SLC25A13: variants seen among roughly 807,000 people sequenced by gnomAD.
SLC25A13 encodes the protein electrogenic aspartate/glutamate antiporter SLC25A13, mitochondrial.
Under a neutral mutation model 85.5 loss-of-function variants are expected in SLC25A13, and 70 were observed. That is an observed-to-expected ratio of 0.82 (90% CI 0.68 to 1.00). The LOEUF (loss-of-function observed/expected upper bound fraction) is 1.00. Ranked by LOEUF, SLC25A13 falls within the 50% of genes least tolerant of loss-of-function variation. SLC25A13 has a pLI of 0.00. For missense variants in SLC25A13, 765 were observed against 819.8 expected (o/e 0.93, Z 0.82); for synonymous variants, 259 against 288.7 (o/e 0.90, Z 1.04).
chr7:96,194,045 T>C (rs1240737046), intron 5 of SLC25A13, among the ~76,000 whole-genome samples: 1 of 152,078 alleles, frequency 6.6e-6, no homozygotes, highest in African/African-American at 2.4e-5. Flanking sequence ...GGAAGGAACA[T>C]TCCTCCTGCA....
intron 3 of SLC25A13, among the ~76,000 whole-genome samples, chr7:96,276,157 G>A (rs563784948): frequency 6.6e-6 from 1 of 152,302 alleles, no homozygotes; most frequent in East Asian, 1.9e-4. Context: ...AGAGAAGGAA[G>A]AAGGCAAGGT....
At chr7:96,204,401 A>C (rs1194640184) in intron 5 of SLC25A13, among the ~76,000 whole-genome samples, 2 of 152,158 alleles carry the variant, frequency 1.3e-5, no homozygotes, top group African/African-American at 4.8e-5. Flanking sequence ...CAGGCTGGGC[A>C]CGGTGGCTCA....
intron 2 of SLC25A13, among the ~76,000 whole-genome samples, chr7:96,294,610 G>GAAAA (rs776263797): frequency 7.4e-6 from 1 of 135,114 alleles, no homozygotes; most frequent in East Asian, 2.2e-4. Flanking sequence ...CTCTGTCTCA[G>GAAAA]AAAAAAAAAA....
chr7:96,312,214 T>C (rs1033852544), intron 1 of SLC25A13, among the ~76,000 whole-genome samples: 4 of 152,294 alleles, frequency 2.6e-5, no homozygotes, highest in East Asian at 1.9e-4. Flanking sequence ...CCATGTGATC[T>C]TGGGCAAGTT....
chr7:96,148,429 C>T (rs1562794908), intron 13 of SLC25A13, among the ~76,000 whole-genome samples: 2 of 152,314 alleles, frequency 1.3e-5, no homozygotes, highest in South Asian at 2.1e-4. Context: ...TTTGCACCTA[C>T]ATTTCCCATG....
chr7:96,313,909 C>A lies in SLC25A13; in HGVS notation c.15+8033G>T, dbSNP rs187299288. ...AGCATTAGTGCTGGACCTACATATA[C>A]CTGACCTGTACAGGGAAGGGAAAAA... On this transcript the variant is annotated intron_variant, in intron 1 of 17. Transcript: ENST00000265631. Among the ~76,000 whole-genome samples, 4 of 152,232 alleles carry A rather than the reference C, an allele frequency of 2.6e-5. No individual in the cohort carries two copies. The East Asian group carries it at 7.7e-4, about 29-fold the overall frequency.
At chr7:96,205,453 TATGGAG>T (rs1795423520) in intron 5 of SLC25A13, among the ~76,000 whole-genome samples, 1 of 152,160 alleles carries the variant, frequency 6.6e-6, no homozygotes, top group Admixed American at 6.5e-5. Context: ...CATGAAGTTA[TATGGAG>T]ATGAAGTTAA....
chr7:96,165,531 T>C (rs1793706460), intron 13 of SLC25A13, among the ~76,000 whole-genome samples: 1 of 152,208 alleles, frequency 6.6e-6, no homozygotes, highest in Admixed American at 6.5e-5. Flanking sequence ...TTACTATTAT[T>C]TTCTGATAAG....
At chr7:96,145,084 AG>A (rs1792726307) in intron 14 of SLC25A13, among the ~76,000 whole-genome samples, 1 of 152,198 alleles carries the variant, frequency 6.6e-6, no homozygotes, top group Non-Finnish European at 1.5e-5. Context: ...TAAATTGGTA[AG>A]CAAAATAGCT....
intron 3 of SLC25A13, among the ~76,000 whole-genome samples, chr7:96,251,947 T>C (rs1370492144): frequency 6.6e-6 from 1 of 152,224 alleles, no homozygotes; most frequent in African/African-American, 2.4e-5. Flanking sequence ...TTGGACACCC[T>C]GGTCAGAGAG....
intron 3 of SLC25A13, among the ~76,000 whole-genome samples, chr7:96,271,697 C>T (rs543652983): frequency 4.6e-5 from 7 of 152,076 alleles, no homozygotes; most frequent in Admixed American, 3.3e-4. Context: ...AAAATACACA[C>T]ATTATGTTAT....
At chr7:96,236,042 A>C (rs1453231161) in intron 3 of SLC25A13, among the ~76,000 whole-genome samples, 1 of 152,246 alleles carries the variant, frequency 6.6e-6, no homozygotes. Context: ...TATTTTACAG[A>C]AAACTTAGTT....
chr7:96,147,482 T>C (rs1223082064), intron 13 of SLC25A13, among the ~76,000 whole-genome samples: 1 of 152,206 alleles, frequency 6.6e-6, no homozygotes. Flanking sequence ...ATCTTTAAAG[T>C]ACACTATAAG....
intron 11 of SLC25A13, among the ~76,000 whole-genome samples, chr7:96,181,952 C>T (rs1219514591): frequency 6.6e-6 from 1 of 152,158 alleles, no homozygotes; most frequent in Non-Finnish European, 1.5e-5. Context: ...CATAATGTGA[C>T]TTTGTACATA....
At chr7:96,188,946 C>A (rs1794736120) in intron 9 of SLC25A13, among the ~76,000 whole-genome samples, 1 of 152,214 alleles carries the variant, frequency 6.6e-6, no homozygotes, top group African/African-American at 2.4e-5. Flanking sequence ...CGTGCAGCTG[C>A]CGACAGGCAC....
intron 2 of SLC25A13, among the ~76,000 whole-genome samples, chr7:96,294,454 C>T (rs996901578): frequency 2.0e-5 from 3 of 151,602 alleles, no homozygotes; most frequent in Admixed American, 1.3e-4. Context: ...AACAACAATA[C>T]AAAAATTAAC....
intron 14 of SLC25A13, among the ~76,000 whole-genome samples, chr7:96,135,431 A>C (rs1289736405): frequency 6.6e-6 from 1 of 152,212 alleles, no homozygotes; most frequent in Non-Finnish European, 1.5e-5. Flanking sequence ...TTAGGCATAA[A>C]GGCAGGTGCC....
intron 4 of SLC25A13, among the ~76,000 whole-genome samples, chr7:96,211,564 T>C (rs776455115): frequency 6.6e-6 from 1 of 152,150 alleles, no homozygotes. Flanking sequence ...ATTTCCTAAT[T>C]GATTATTAGC....
intron 13 of SLC25A13, 102 bp from the exon 14 acceptor site, chr7:96,146,798 A>G: frequency 7.3e-7 from 1 of 1,367,606 alleles, no homozygotes; most frequent in Non-Finnish European, 1.0e-6. Context: ...TTCTATCCTC[A>G]AGAGAATGTA....
Sources: gnomAD v4.1 joint callset for allele counts (sites outside exome capture counted in the v4.1 genomes callset) on GRCh38, gnomAD v4.1.1 for gene constraint, MANE v1.5 for transcripts, NCBI Gene and HGNC (gene_info 2026-07-23, HGNC 2026-07-21) for gene names.